Variants in ELMO1 observed in about 807,000 individuals in gnomAD.
ELMO1 encodes the protein engulfment and cell motility 1.
A neutral mutation model predicts 98.9 loss-of-function variants in ELMO1; 26 were observed. That is an observed-to-expected ratio of 0.26 (90% CI 0.19 to 0.36). ELMO1 has a LOEUF of 0.36. ELMO1 is among the 10% of genes least tolerant of loss of function. The pLI is 1.00. For missense variants in ELMO1, 627 were observed against 935.2 expected (o/e 0.67, Z 4.30); for synonymous variants, 346 against 346.0 (o/e 1.00, Z 0.00).
At chr7:37,303,354 T>G (rs772483815) in intron 4 of ELMO1, among the ~76,000 whole-genome samples, 1 of 152,168 alleles carries the variant, frequency 6.6e-6, no homozygotes, top group Non-Finnish European at 1.5e-5. Flanking sequence ...GTCACTATTT[T>G]TTCATCGATA....
intron 15 of ELMO1, among the ~76,000 whole-genome samples, chr7:37,092,915 C>CT (rs79327023): frequency 0.038 from 5,256 of 136,952 alleles, 310 homozygotes; most frequent in African/African-American, 0.12. Flanking sequence ...CTTTCTTTTT[C>CT]TTTTTTTTTT....
intron 13 of ELMO1, among the ~76,000 whole-genome samples, chr7:37,149,094 G>T (rs1356880596): frequency 2.6e-5 from 4 of 152,164 alleles, no homozygotes; most frequent in Non-Finnish European, 5.9e-5. Flanking sequence ...TCTCTGCCAT[G>T]GTGAAGTGAG....
intron 16 of ELMO1, among the ~76,000 whole-genome samples, chr7:37,006,942 T>C (rs1042920739): frequency 3.3e-5 from 5 of 152,124 alleles, no homozygotes; most frequent in African/African-American, 4.8e-5. Context: ...CTGGTAAGGA[T>C]TGGAGAGGAC....
At position 37,342,596 on chromosome 7, in the gene ELMO1, G is replaced by T. The variant is rs772488171; in HGVS notation, c.78+17C>A. On this transcript the variant is annotated intron_variant, in intron 2 of 21. Transcript: ENST00000310758. This position sits in a 1 kb window ranked among gnomAD's most constrained non-coding sequence, Gnocchi z 4.3. ...AGGAAACTGAAAATAGACACCCAAT[G>T]CTGTCACGTTACTAACCTGATCAAT... 6 of 1,612,898 alleles carry T rather than the reference G, an allele frequency of 3.7e-6. No homozygotes were observed. The highest frequency in any genetic ancestry group is 1.7e-5 in the Admixed American group (1 of 60,010).
At chr7:37,130,888 A>G (rs1397609377) in intron 14 of ELMO1, among the ~76,000 whole-genome samples, 6 of 152,214 alleles carry the variant, frequency 3.9e-5, no homozygotes, top group African/African-American at 1.4e-4. Context: ...TAAATAATAA[A>G]TGAAAAACTG....
chr7:37,405,522 C>T (rs572271863), intron 1 of ELMO1, among the ~76,000 whole-genome samples: 6 of 152,294 alleles, frequency 3.9e-5, no homozygotes, highest in Admixed American at 1.3e-4. Context: ...TGCACAGAAT[C>T]GCAAATGTTA....
At chr7:36,902,481 T>C (rs925040775) in intron 16 of ELMO1, among the ~76,000 whole-genome samples, 1 of 152,180 alleles carries the variant, frequency 6.6e-6, no homozygotes, top group Non-Finnish European at 1.5e-5. Flanking sequence ...CTCTGTAGGA[T>C]GGCATTTCAC....
intron 1 of ELMO1, among the ~76,000 whole-genome samples, chr7:37,347,082 A>AG (rs991400687): frequency 2.6e-5 from 4 of 152,300 alleles, no homozygotes; most frequent in African/African-American, 7.2e-5. Context: ...AGAGAAAGGG[A>AG]GGGGGGCATA....
chr7:37,211,647 A>G (rs1792981650), intron 12 of ELMO1, 130 bp from the exon 13 acceptor site: 5 of 1,236,418 alleles, frequency 4.0e-6, no homozygotes, highest in Non-Finnish European at 5.5e-6. Flanking sequence ...AAAACAGATA[A>G]AAGAGAACCA....
intron 16 of ELMO1, among the ~76,000 whole-genome samples, chr7:37,002,782 T>C (rs764974328): frequency 1.7e-4 from 26 of 152,188 alleles, no homozygotes; most frequent in Non-Finnish European, 2.9e-4. Context: ...GATAGTAACT[T>C]TGAGTACCTT....
chr7:37,003,175 A>G (rs1792802080), intron 16 of ELMO1, among the ~76,000 whole-genome samples: 2 of 152,230 alleles, frequency 1.3e-5, no homozygotes, highest in African/African-American at 4.8e-5. Flanking sequence ...TGGAATTATC[A>G]TCTCTCAAAT....
chr7:36,972,499 G>A (rs954029883), intron 16 of ELMO1, among the ~76,000 whole-genome samples: 1 of 152,178 alleles, frequency 6.6e-6, no homozygotes, highest in Non-Finnish European at 1.5e-5. Context: ...GCATCAGCAG[G>A]GTCGGTTCCT....
At chr7:37,276,278 A>AAGAGAG (rs899745442) in intron 4 of ELMO1, among the ~76,000 whole-genome samples, 1 of 152,148 alleles carries the variant, frequency 6.6e-6, no homozygotes, top group African/African-American at 2.4e-5. Context: ...AAGAGAGAGA[A>AAGAGAG]AGAGAGAGAG....
At chr7:36,976,344 T>C (rs1790545915) in intron 16 of ELMO1, among the ~76,000 whole-genome samples, 1 of 152,248 alleles carries the variant, frequency 6.6e-6, no homozygotes, top group East Asian at 1.9e-4. Context: ...ATCATACTTC[T>C]CTGAAACAAA....
At chr7:37,080,619 T>A (rs1177280236) in intron 15 of ELMO1, among the ~76,000 whole-genome samples, 1 of 142,930 alleles carries the variant, frequency 7.0e-6, no homozygotes, top group African/African-American at 2.7e-5. Flanking sequence ...TTTTTTTTTT[T>A]TTTTTGTATT....
At chr7:37,237,951 T>C (rs142938628) in intron 7 of ELMO1, among the ~76,000 whole-genome samples, 8 of 152,316 alleles carry the variant, frequency 5.3e-5, no homozygotes, top group Admixed American at 4.6e-4. Flanking sequence ...GCTAACCTTA[T>C]AGGAAGTATT....
intron 14 of ELMO1, among the ~76,000 whole-genome samples, chr7:37,119,865 T>C (rs1027692081): frequency 6.6e-6 from 1 of 152,216 alleles, no homozygotes; most frequent in African/African-American, 2.4e-5. Flanking sequence ...GCAAAGATTT[T>C]CCAACTAGAT....
At chr7:36,975,524 T>C (rs1366850056) in intron 16 of ELMO1, among the ~76,000 whole-genome samples, 7 of 151,952 alleles carry the variant, frequency 4.6e-5, no homozygotes, top group South Asian at 4.2e-4. Flanking sequence ...AAGAATATAA[T>C]TTTCAGTGTA....
At chr7:37,267,090 A>G (rs943499328) in intron 5 of ELMO1, among the ~76,000 whole-genome samples, 8 of 142,308 alleles carry the variant, frequency 5.6e-5, no homozygotes, top group Admixed American at 2.9e-4. Context: ...CACACACACG[A>G]GTACTACTGG....
Sources: gnomAD v4.1 joint callset for allele counts (sites outside exome capture counted in the v4.1 genomes callset) on GRCh38, gnomAD v4.1.1 for gene constraint, Gnocchi (gnomAD v3.1) non-coding constraint, MANE v1.5 for transcripts, NCBI Gene and HGNC (gene_info 2026-07-23, HGNC 2026-07-21) for gene names.